ITGA6: variants seen among roughly 807,000 people sequenced by gnomAD.
ITGA6 encodes the protein integrin alpha-6.
In ITGA6, 63 loss-of-function variants were observed where a neutral mutation model predicts 133.6. The ratio of observed to expected loss-of-function variants is 0.47; its 90% CI spans 0.38 to 0.58. The LOEUF (loss-of-function observed/expected upper bound fraction) is 0.58. Among genes scored for constraint, ITGA6 ranks in the 20% least tolerant of loss-of-function variants. The probability of loss-of-function intolerance (pLI) is 0.00; values close to 1 mark genes in which losing one functional copy is unlikely to be tolerated. For synonymous variants in ITGA6, 434 were observed against 482.0 expected, an observed-to-expected ratio of 0.90 and a Z score of 1.30; for missense variants, 1,068 against 1,309.4, an observed-to-expected ratio of 0.82 and a Z score of 2.85.
In ITGA6 at chr2:172,484,688, T is replaced by C. The variant is rs1481858795; in HGVS notation, c.1550-94T>C. 5.8e-6 allele frequency: 6 copies of C among 1,027,848 alleles called. No individual in the cohort carries two copies. In the Admixed American group the frequency reaches 7.0e-5, roughly 12 times the overall value. 63.7% of individuals were successfully genotyped at this position (1,027,848 alleles called of 1,614,324 possible). A position where few individuals can be genotyped will look rare whatever the true frequency, so the allele number is the denominator to read the frequency against. ...GAAGAGAAACAATGGCAATGTTTTC[T>C]ACAAGGAATTAAAATCTTAAAAGGA... On this transcript the variant is annotated intron_variant, in intron 11 of 25. Coordinates refer to ENST00000684293, the MANE Select transcript of ITGA6 (RefSeq NM_000210.4).
At chr2:172,443,481 G>T (rs1310521882) in intron 1 of ITGA6, among the ~76,000 whole-genome samples, 1 of 152,082 alleles carries the variant, frequency 6.6e-6, no homozygotes, top group African/African-American at 2.4e-5. Flanking sequence ...TGTTTTAATG[G>T]TCACGGCTGA....
In ITGA6 at chr2:172,475,699, C is replaced by T. The variant is rs199737747; in HGVS notation, c.1269+14C>T. 55 of 1,442,754 alleles carry T rather than the reference C, an allele frequency of 3.8e-5. No homozygotes were observed. Among genetic ancestry groups the T allele is most frequent in the South Asian group, 3.3e-4 (29 of 87,588 alleles). 89.4% of individuals were successfully genotyped at this position (1,442,754 alleles called of 1,614,324 possible). On this transcript the variant is annotated intron_variant, in intron 8 of 25. Coordinates refer to ENST00000684293, the MANE Select transcript of ITGA6 (RefSeq NM_000210.4). ...AAACCAACACAGGTAACCAAATAAC[C>T]GGGATTTCTACAGCTAGAGTCTCAA...
intron 5 of ITGA6, 41 bp from the exon 6 acceptor site, chr2:172,474,013 TA>T: frequency 7.0e-7 from 1 of 1,423,538 alleles, no homozygotes; most frequent in Non-Finnish European, 9.9e-7. Flanking sequence ...GCCTAAAATA[TA>T]TGGATTGATG....
Position 172,501,817 on chromosome 2 carries a change from T to C in ITGA6, c.3160T>C (p.Tyr1054His), listed in dbSNP as rs753486109. The C allele has an allele frequency of 1.9e-6, 3 of 1,612,374 alleles. No individual in the cohort carries two copies. The highest frequency in any genetic ancestry group is 1.7e-5 in the Admixed American group (1 of 60,022). The change falls in exon 25 of 26, where the codon TAT becomes CAT. Residue 1054 changes from tyrosine (Y) to histidine (H), a missense_variant. By Grantham distance (83) the Tyr-to-His change is moderately conservative. Around this residue, in one of 3 missense-constraint regions of ITGA6, gnomAD observed 609 missense variants for 707.2 expected, o/e 0.86. Coordinates refer to ENST00000684293, the MANE Select transcript of ITGA6 (RefSeq NM_000210.4). ...RNKKDHYDAT[Y>H]HKAEIHAQPS... ...TAAGAAAGATCATTATGATGCCACA[T>C]ATCACAAGGCTGAGATCCATGCTCA...
chr2:172,490,773 T>A (rs1367729174), intron 20 of ITGA6: 2 of 422,036 alleles, frequency 4.7e-6, no homozygotes, highest in Non-Finnish European at 8.8e-6. Flanking sequence ...GAAAGCATAT[T>A]TCTCTTTCTC....
intron 1 of ITGA6, among the ~76,000 whole-genome samples, chr2:172,458,200 G>A (rs769318433): frequency 6.6e-5 from 10 of 151,676 alleles, no homozygotes; most frequent in Non-Finnish European, 8.8e-5. Flanking sequence ...ACATGTACAC[G>A]TTTTACAGAG....
intron 1 of ITGA6, 64 bp from the exon 2 acceptor site, chr2:172,465,471 TCTGA>T: frequency 6.4e-7 from 1 of 1,568,226 alleles, no homozygotes; most frequent in Non-Finnish European, 8.8e-7. Context: ...ATCTCCTAGT[TCTGA>T]CTGATTTAAC....
At chr2:172,428,548 A>AAAG (rs1683971314) in intron 1 of ITGA6, 1 of 151,082 alleles carries the variant, frequency 6.6e-6, no homozygotes, top group African/African-American at 2.4e-5. Context: ...TGCCTTTGAA[A>AAAG]AAAAAAAAAA....
At position 172,487,341 on chromosome 2, in the gene ITGA6, C is replaced by T. The variant is rs1559149218; in HGVS notation, c.2048C>T (p.Ser683Phe). ...ALEITVTNSP[S>F]NPRNPTKDGD... is the part of the protein sequence containing the mutation. Reference sequence around the variant, plus strand: ...GAAATAACAGTGACAAACAGCCCTTCCAACCCAAGGAATCCCACAAAAGAT... The same window carrying T: ...GAAATAACAGTGACAAACAGCCCTTTCAACCCAAGGAATCCCACAAAAGAT... The change falls in exon 15 of 26, where the codon TCC becomes TTC. Residue 683 changes from serine to phenylalanine, a missense_variant. By Grantham distance (155) the Ser-to-Phe change is radical (BLOSUM62 -2). Transcript: ENST00000684293. 6.2e-7 allele frequency: 1 copy of T among 1,614,104 alleles called. No individual in the cohort carries two copies. Among genetic ancestry groups the T allele is most frequent in the Non-Finnish European group, 8.5e-7 (1 of 1,179,904 alleles).
At chr2:172,448,473 A>G (rs1307676591) in intron 1 of ITGA6, among the ~76,000 whole-genome samples, 2 of 152,152 alleles carry the variant, frequency 1.3e-5, no homozygotes, top group African/African-American at 4.8e-5. Flanking sequence ...GGTAATGGCA[A>G]TAGTGTCTCT....
intron 4 of ITGA6, among the ~76,000 whole-genome samples, chr2:172,470,716 A>G (rs1354775686): frequency 3.9e-5 from 6 of 152,310 alleles, no homozygotes; most frequent in Non-Finnish European, 8.8e-5. Flanking sequence ...TCCATTTTTC[A>G]TCTAGTTTCA....
At chr2:172,486,005 C>T (rs1686648681) in intron 13 of ITGA6, among the ~76,000 whole-genome samples, 4 of 151,880 alleles carry the variant, frequency 2.6e-5, no homozygotes, top group Admixed American at 6.6e-5. Flanking sequence ...GGTGAAACCC[C>T]GTCTCTAGTG....
chr2:172,477,445 A>C (rs568205518), intron 9 of ITGA6, among the ~76,000 whole-genome samples: 1 of 152,282 alleles, frequency 6.6e-6, no homozygotes, highest in South Asian at 2.1e-4. Context: ...CATTATTCCC[A>C]TCTTCCACAA....
intron 23 of ITGA6, among the ~76,000 whole-genome samples, chr2:172,493,966 T>G (rs1399515161): frequency 3.3e-5 from 5 of 152,168 alleles, no homozygotes; most frequent in Non-Finnish European, 7.4e-5. Flanking sequence ...CTTCACAAAT[T>G]GGTAGATTTG....
chr2:172,428,043 G>C lies in ITGA6; in HGVS notation c.182+73G>C, dbSNP rs937980633. 3 of 1,493,164 alleles carry C rather than the reference G, an allele frequency of 2.0e-6. No individual in the cohort carries two copies. In the African/African-American group the frequency reaches 4.4e-5, roughly 22 times the overall value. The allele number at this position is 1,493,164 out of a possible 1,614,324, so 92.5% of individuals were successfully genotyped here. ...GCGAGTTGAGGCGAGGGCGCGCCCTGTTCCCGCCGGCCCCGGGGAGTAGTT... is the reference window on the plus strand; with the variant it reads ...GCGAGTTGAGGCGAGGGCGCGCCCTCTTCCCGCCGGCCCCGGGGAGTAGTT... On this transcript the variant is annotated intron_variant, in intron 1 of 25. Coordinates refer to ENST00000684293, the MANE Select transcript of ITGA6 (RefSeq NM_000210.4).
intron 1 of ITGA6, among the ~76,000 whole-genome samples, chr2:172,445,712 T>G (rs952079498): frequency 2.6e-5 from 4 of 152,078 alleles, no homozygotes; most frequent in Non-Finnish European, 5.9e-5. Context: ...GCTTTTTGCT[T>G]TGTCTTTGTC....
intron 11 of ITGA6, among the ~76,000 whole-genome samples, chr2:172,481,868 A>G (rs566863836): frequency 6.6e-6 from 1 of 152,350 alleles, no homozygotes; most frequent in African/African-American, 2.4e-5. Flanking sequence ...TCATCCTTTC[A>G]GTATCATTTG....
chr2:172,459,463 C>T, intron 1 of ITGA6, among the ~76,000 whole-genome samples: 1 of 152,130 alleles, frequency 6.6e-6, no homozygotes, highest in East Asian at 1.9e-4. Flanking sequence ...GAGATCATGC[C>T]ACTGCACTCC....
intron 23 of ITGA6, among the ~76,000 whole-genome samples, chr2:172,497,203 T>A (rs13012115): frequency 0.22 from 32,917 of 152,046 alleles, 5,471 homozygotes; most frequent in African/African-American, 0.47. Flanking sequence ...CATTGCTGAA[T>A]ATTAATTAAA....
Sources: gnomAD v4.1 joint callset for allele counts (sites outside exome capture counted in the v4.1 genomes callset) on GRCh38, gnomAD v4.1.1 for gene constraint, gnomAD v4.1.1 regional missense constraint, MANE v1.5 for transcripts, NCBI Gene and HGNC (gene_info 2026-07-23, HGNC 2026-07-21) for gene names.